The following RPS6KC1 variants were observed in gnomAD, a reference collection of about 807,000 sequenced individuals.
The protein encoded by RPS6KC1 is ribosomal protein S6 kinase C1.
In RPS6KC1, 54 loss-of-function variants were observed where a neutral mutation model predicts 103.8. The ratio of observed to expected loss-of-function variants is 0.52; its 90% CI spans 0.42 to 0.65. The LOEUF (loss-of-function observed/expected upper bound fraction) is 0.65, where lower values mean the gene tolerates loss of function less well. Among genes scored for constraint, RPS6KC1 ranks in the 30% least tolerant of loss-of-function variants. The pLI, the probability that RPS6KC1 is intolerant of heterozygous loss-of-function variation, is 0.00. For synonymous variants in RPS6KC1, 439 were observed against 438.7 expected, an observed-to-expected ratio of 1.00 and a Z score of -0.01; for missense variants, 1,151 against 1,253.8, an observed-to-expected ratio of 0.92 and a Z score of 1.24.
At chr1:213,624,438 A>C in the RPS6KC1 span, among the ~76,000 whole-genome samples, 1 of 152,222 alleles carries the variant, frequency 6.6e-6, no homozygotes, top group African/African-American at 2.4e-5. Context: ...TGTACATGGA[A>C]GGGCTGAATA....
At chr1:213,517,517 C>T in the RPS6KC1 span, among the ~76,000 whole-genome samples, 2 of 152,222 alleles carry the variant, frequency 1.3e-5, no homozygotes, top group East Asian at 3.9e-4. Context: ...AGGTTGTTCA[C>T]TTTCCATGTA....
At chr1:213,827,056 T>C in the RPS6KC1 span, among the ~76,000 whole-genome samples, 1 of 152,290 alleles carries the variant, frequency 6.6e-6, no homozygotes, top group African/African-American at 2.4e-5. Context: ...AACTCTGAGG[T>C]TGTCACAGTT....
the RPS6KC1 span, chr1:213,821,287 A>AAT: frequency 1.3e-5 from 2 of 152,330 alleles, no homozygotes; most frequent in Non-Finnish European, 2.9e-5. Context: ...ATGACTAAGC[A>AAT]ATGAATGAAC....
chr1:213,516,096 C>T, the RPS6KC1 span, among the ~76,000 whole-genome samples: 2 of 152,274 alleles, frequency 1.3e-5, no homozygotes, highest in East Asian at 1.9e-4. Flanking sequence ...CTGAGACTTG[C>T]TGAAGTTGCC....
chr1:213,629,451 T>C, the RPS6KC1 span, among the ~76,000 whole-genome samples: 1 of 152,296 alleles, frequency 6.6e-6, no homozygotes, highest in Middle Eastern at 3.4e-3. Context: ...TCTTCCTCCA[T>C]CCCTTTATTT....
At chr1:213,135,244 C>T (rs1228561602) in intron 6 of RPS6KC1, among the ~76,000 whole-genome samples, 1 of 152,054 alleles carries the variant, frequency 6.6e-6, no homozygotes, top group African/African-American at 2.4e-5. Flanking sequence ...TATTGAACCA[C>T]TCTGGAATTC....
chr1:213,104,693 C>G lies in RPS6KC1; in HGVS notation c.378+124C>G, dbSNP rs1030201682. ...ACTATAAAAGTAGAAATTAATAGCT[C>G]TATAATAATGTTTATGGCATATTTC... On this transcript the variant is annotated intron_variant, in intron 4 of 14. Transcript: ENST00000366960. 6 of 464,542 alleles carry G rather than the reference C, an allele frequency of 1.3e-5. No individual in the cohort carries two copies. The South Asian group carries it at 2.0e-4, about 16-fold the overall frequency. 28.8% of individuals were successfully genotyped at this position (464,542 alleles called of 1,614,324 possible).
intron 3 of RPS6KC1, among the ~76,000 whole-genome samples, chr1:213,091,080 C>T (rs563232968): frequency 3.3e-5 from 5 of 151,216 alleles, no homozygotes; most frequent in Middle Eastern, 3.4e-3. Flanking sequence ...TTTTTTGAGA[C>T]GGAGTCTCGC....
intron 8 of RPS6KC1, among the ~76,000 whole-genome samples, chr1:213,205,633 AATG>A (rs1237286913): frequency 4.1e-5 from 6 of 147,512 alleles, no homozygotes; most frequent in Admixed American, 3.4e-4. Context: ...GATTATAATT[AATG>A]ATATCATCTT....
the RPS6KC1 span, among the ~76,000 whole-genome samples, chr1:213,799,398 G>C: frequency 1.3e-5 from 2 of 152,158 alleles, no homozygotes; most frequent in Non-Finnish European, 2.9e-5. Context: ...CTGTTGACTT[G>C]AGCCATTGGG....
the RPS6KC1 span, among the ~76,000 whole-genome samples, chr1:213,522,626 C>G: frequency 6.6e-6 from 1 of 152,196 alleles, no homozygotes; most frequent in Non-Finnish European, 1.5e-5. Flanking sequence ...GTGATTTTAG[C>G]TGGATCTCTT....
At chr1:213,476,218 G>A in the RPS6KC1 span, among the ~76,000 whole-genome samples, 92 of 152,304 alleles carry the variant, frequency 6.0e-4, no homozygotes, top group African/African-American at 2.1e-3. Context: ...TTCCCCAGGA[G>A]GATCTTGACT....
the RPS6KC1 span, among the ~76,000 whole-genome samples, chr1:213,786,336 A>T: frequency 6.6e-6 from 1 of 152,168 alleles, no homozygotes; most frequent in East Asian, 1.9e-4. Context: ...CCCCCATCTC[A>T]TTAGCCACAC....
chr1:213,157,936 A>G (rs902905969), intron 6 of RPS6KC1, among the ~76,000 whole-genome samples: 1 of 152,144 alleles, frequency 6.6e-6, no homozygotes, highest in Non-Finnish European at 1.5e-5. Context: ...TGTCTGTGGT[A>G]ACTTTTCTTT....
chr1:213,480,730 C>G, the RPS6KC1 span, among the ~76,000 whole-genome samples: 1 of 152,088 alleles, frequency 6.6e-6, no homozygotes, highest in Non-Finnish European at 1.5e-5. Context: ...AGTCTCCATT[C>G]TATCTCCTAC....
Position 213,117,401 on chromosome 1 carries a change from A to G in RPS6KC1, c.463A>G (p.Ser155Gly), listed in dbSNP as rs757774704. The G allele has an allele frequency of 5.0e-6, 8 of 1,595,924 alleles. No individual in the cohort carries two copies. Among genetic ancestry groups the G allele is most frequent in the East Asian group, 2.2e-5 (1 of 44,680 alleles). ...DSLIDTFPEC[S>G]TEGFSSDSDL... ...CCTCATTGATACCTTTCCTGAGTGTAGTACGGAAGGTAAGAGATTTTAATT... is the reference window on the plus strand; with the variant it reads ...CCTCATTGATACCTTTCCTGAGTGTGGTACGGAAGGTAAGAGATTTTAATT... The change falls in exon 5 of 15, where the codon AGT becomes GGT. Residue 155 changes from serine to glycine, a missense_variant. Around this residue, in one of 3 missense-constraint regions of RPS6KC1, gnomAD observed 959 missense variants for 1,006.3 expected, o/e 0.95. Transcript: ENST00000366960.
chr1:213,775,188 A>T, the RPS6KC1 span, among the ~76,000 whole-genome samples: 1 of 152,198 alleles, frequency 6.6e-6, no homozygotes, highest in Non-Finnish European at 1.5e-5. Context: ...TAAAAAATTG[A>T]TATGTAGGCA....
chr1:213,744,629 A>T, the RPS6KC1 span, among the ~76,000 whole-genome samples: 1 of 152,178 alleles, frequency 6.6e-6, no homozygotes, highest in Admixed American at 6.5e-5. Flanking sequence ...ATGATCTCTA[A>T]CATCCTTGCC....
chr1:213,543,807 T>C, the RPS6KC1 span, among the ~76,000 whole-genome samples: 7 of 152,222 alleles, frequency 4.6e-5, no homozygotes, highest in Non-Finnish European at 1.0e-4. Context: ...TTCCTGTTCC[T>C]GTTTTCTTTG....
Sources: gnomAD v4.1 joint callset for allele counts (sites outside exome capture counted in the v4.1 genomes callset) on GRCh38, gnomAD v4.1.1 for gene constraint, gnomAD v4.1.1 regional missense constraint, MANE v1.5 for transcripts, NCBI Gene and HGNC (gene_info 2026-07-23, HGNC 2026-07-21) for gene names.